Variants in BAZ2A observed in about 807,000 individuals in gnomAD.
The protein encoded by BAZ2A is bromodomain adjacent to zinc finger domain protein 2A.
In BAZ2A, 34 loss-of-function variants were observed where a neutral mutation model predicts 199.9. The ratio of observed to expected loss-of-function variants is 0.17; its 90% CI spans 0.13 to 0.23. BAZ2A has a LOEUF of 0.23. Ranked by LOEUF, BAZ2A falls within the 10% of genes least tolerant of loss-of-function variation. The pLI is 1.00. For synonymous variants in BAZ2A, 857 were observed against 883.9 expected (o/e 0.97, Z 0.54); for missense variants, 2,002 against 2,391.1 (o/e 0.84, Z 3.39).
At chr12:56,630,765 C>T, upstream of BAZ2A, 1 of 985,250 alleles carries the variant, frequency 1.0e-6, no homozygotes. Context: ...AAGAGTCAGC[C>T]ACCCACTCAC....
chr12:56,630,488 C>A (rs1415100330), upstream of BAZ2A, among the ~76,000 whole-genome samples: 4 of 152,270 alleles, frequency 2.6e-5, no homozygotes. Flanking sequence ...GCCCACCTGG[C>A]AGCTCCCTCT....
chr12:56,606,453 C>T, intron 11 of BAZ2A, 141 bp from the exon 12 acceptor site: 1 of 1,172,232 alleles, frequency 8.5e-7, no homozygotes, highest in Non-Finnish European at 1.3e-6. Context: ...ATTCTCTCAC[C>T]CTAGAGATGC....
At chr12:56,599,092 T>A (rs747421337) in intron 27 of BAZ2A, 37 bp downstream of exon 27, 1 of 1,597,386 alleles carries the variant, frequency 6.3e-7, no homozygotes, top group East Asian at 2.3e-5. Context: ...CTGGCAGAGG[T>A]AGAGCCAACT....
In BAZ2A at chr12:56,630,231, G is replaced by A; in HGVS notation, c.-109C>T. ...CAGAACGGGTGGAGACGCCCGCTGG[G>A]GAGGGGGTCTGGGGTCCGGGGTTCG... is the stretch of plus-strand genomic sequence containing the variant. On this transcript the variant is annotated 5_prime_UTR_variant, in exon 1 of 29. Coordinates refer to ENST00000549884, the MANE Select transcript of BAZ2A (RefSeq NM_001300905.2). 2 of 984,516 alleles carry A rather than the reference G, an allele frequency of 2.0e-6. No individual in the cohort carries two copies. The highest frequency in any genetic ancestry group is 2.4e-6 in the Non-Finnish European group (2 of 829,054). The allele number at this position is 984,516 out of a possible 1,614,324, so 61.0% of individuals were successfully genotyped here. A position where few individuals can be genotyped will look rare whatever the true frequency, so the allele number is the denominator to read the frequency against.
rs1296059071 is a variant in BAZ2A at position 56,601,966 on chromosome 12, G to A, written c.3651C>T (p.Ala1217=). The change falls in exon 20 of 29, where the codon GCC becomes GCT. Residue 1217 remains alanine (A), a synonymous_variant. Coordinates refer to ENST00000549884, the MANE Select transcript of BAZ2A (RefSeq NM_001300905.2). ...VRGQDSEQPQ[A]QLQPEAQLHA... is the part of the protein sequence containing the mutation. Reference sequence around the variant, plus strand: ...GAAGCTGAGCCTCAGGCTGAAGCTGGGCCTGGGGCTGTTCTGAATCCTGAC... The same window carrying A: ...GAAGCTGAGCCTCAGGCTGAAGCTGAGCCTGGGGCTGTTCTGAATCCTGAC... The A allele has an allele frequency of 4.5e-6, 7 of 1,561,452 alleles. No individual in the cohort carries two copies. Among genetic ancestry groups the A allele is most frequent in the Non-Finnish European group, 6.1e-6 (7 of 1,152,398 alleles).
intron 6 of BAZ2A, 63 bp from the exon 7 acceptor site, chr12:56,611,696 G>C (rs928781676): frequency 1.9e-6 from 3 of 1,545,752 alleles, no homozygotes; most frequent in South Asian, 2.5e-5. Flanking sequence ...TAGGCCAATA[G>C]GGAAAGGCTA....
chr12:56,629,307 A>C (rs1951213172), intron 1 of BAZ2A, among the ~76,000 whole-genome samples: 1 of 152,160 alleles, frequency 6.6e-6, no homozygotes, highest in African/African-American at 2.4e-5. Context: ...ACAAAGGACA[A>C]CTGCTATTGA....
intron 21 of BAZ2A, 38 bp downstream of exon 21, chr12:56,601,142 C>A: frequency 6.2e-7 from 1 of 1,613,938 alleles, no homozygotes; most frequent in African/African-American, 1.3e-5. Context: ...CTGTGAAGCA[C>A]TGCCCACACC....
Position 56,597,622 on chromosome 12 carries a change from G to GCA in BAZ2A, c.*995_*996insTG, listed in dbSNP as rs1885957170. On this transcript the variant is annotated 3_prime_UTR_variant, in exon 29 of 29. Transcript: ENST00000549884. ...GCTGACACACACACACACACACACA[G>GCA]CGCGCTCTGAGGCCGACACACACAC... 2.5e-5 allele frequency: 2 copies of GCA among 81,410 alleles called. No homozygotes were observed. The highest frequency in any genetic ancestry group is 1.9e-4 in the African/African-American group (2 of 10,642). The allele number at this position is 81,410 out of a possible 1,614,324, so 5.0% of individuals were successfully genotyped here. A position where few individuals can be genotyped will look rare whatever the true frequency, so the allele number is the denominator to read the frequency against.
chr12:56,601,184 T>A lies in BAZ2A; in HGVS notation c.4290A>T (p.Pro1430=). 6.2e-7 allele frequency: 1 copy of A among 1,614,060 alleles called. No individual in the cohort carries two copies. Among genetic ancestry groups the A allele is most frequent in the Non-Finnish European group, 8.5e-7 (1 of 1,179,900 alleles). Residue 1430 remains proline, a synonymous_variant, in exon 21 of 29, where the codon CCA becomes CCT. Transcript: ENST00000549884. The part of the protein sequence containing the change: ...YLTQLTAQPV[P]PEMCSGWWWI... ...CCTCACTCCAAGGTCACTCACCAGG[T>A]GGGACAGGCTGGGCTGTCAGCTGGG...
At position 56,601,918 on chromosome 12, in the gene BAZ2A, A is replaced by AGGCTGG; in HGVS notation, c.3693_3698dup (p.Pro1233_Gln1234dup). 1 of 1,598,520 alleles carries AGGCTGG rather than the reference A, an allele frequency of 6.3e-7. No individual in the cohort carries two copies. Among genetic ancestry groups the AGGCTGG allele is most frequent in the South Asian group, 1.1e-5 (1 of 89,854 alleles). On this transcript the variant is annotated inframe_insertion, in exon 20 of 29. Transcript: ENST00000549884. The stretch of plus-strand genomic sequence containing the variant: ...GGGACTGAAGCTGAAGCTGAAGCTG[A>AGGCTGG]GGCTGGGGCTGGGCAGGAGCATGAA...
intron 19 of BAZ2A, 106 bp downstream of exon 19, chr12:56,602,607 G>T: frequency 7.1e-7 from 1 of 1,417,042 alleles, no homozygotes; most frequent in Non-Finnish European, 9.5e-7. Context: ...TAACCATTAC[G>T]CTATATTATC....
chr12:56,623,796 G>A (rs1455937845), intron 1 of BAZ2A, among the ~76,000 whole-genome samples: 1 of 152,118 alleles, frequency 6.6e-6, no homozygotes, highest in Non-Finnish European at 1.5e-5. Context: ...GTTATCAATA[G>A]TGCCAAGGCT....
In BAZ2A at chr12:56,606,226, C is replaced by G. The variant is rs201312646; in HGVS notation, c.2259+21G>C. ...TTAGTGGCTTCGAAATTATACTTGG[C>G]AAGTTTGTACATGCACCTACCTTGG... On this transcript the variant is annotated intron_variant, in intron 12 of 28. Transcript: ENST00000549884. The G allele has an allele frequency of 3.3e-5, 53 of 1,613,860 alleles. No homozygotes were observed. In the African/African-American group the frequency reaches 5.9e-4, roughly 18 times the overall value.
rs1308235748 is a variant in BAZ2A at position 56,599,339 on chromosome 12, G to C, written c.5192C>G (p.Thr1731Ser). 2 of 1,613,210 alleles carry C rather than the reference G, an allele frequency of 1.2e-6. No individual in the cohort carries two copies. The highest frequency in any genetic ancestry group is 2.2e-5 in the South Asian group (2 of 90,928). The change falls in exon 27 of 29, where the codon ACT becomes AGT. Residue 1731 changes from threonine to serine, a missense_variant. Transcript: ENST00000549884. Reference sequence around the variant, plus strand: ...ACGCTTTGGGAAACCAGGCTTCTGAGTGAATTCTCCCTCCACCTGCTTAGT... The same window carrying C: ...ACGCTTTGGGAAACCAGGCTTCTGACTGAATTCTCCCTCCACCTGCTTAGT... Reference protein sequence around the residue: ...CLAQQVEGEFTQKPGFPKRGQ... With the variant: ...CLAQQVEGEFSQKPGFPKRGQ...
chr12:56,614,961 C>T (rs753365196), intron 3 of BAZ2A, 53 bp downstream of exon 3: 4 of 1,516,796 alleles, frequency 2.6e-6, no homozygotes, highest in Admixed American at 3.9e-5. Context: ...AGCCACTATC[C>T]CCCCCGAGCT....
At position 56,604,611 on chromosome 12, in the gene BAZ2A, C is replaced by T; in HGVS notation, c.2937G>A (p.Glu979=). Residue 979 remains glutamate (E), a synonymous_variant, in exon 15 of 29, where the codon GAG becomes GAA. Coordinates refer to ENST00000549884, the MANE Select transcript of BAZ2A (RefSeq NM_001300905.2). ...TGATGATGAGGGTGGAGCCATTGAG[C>T]TCATGCACAAGGAAGGCCAGGACAG... is the stretch of plus-strand genomic sequence containing the variant. The part of the protein sequence containing the change: ...KAAVLAFLVH[E]LNGSTLIINE... The T allele has an allele frequency of 1.9e-6, 3 of 1,598,048 alleles. No homozygotes were observed. Among genetic ancestry groups the T allele is most frequent in the Non-Finnish European group, 2.6e-6 (3 of 1,172,272 alleles).
intron 3 of BAZ2A, among the ~76,000 whole-genome samples, chr12:56,614,760 C>T (rs1055704511): frequency 5.9e-5 from 9 of 152,140 alleles, no homozygotes; most frequent in African/African-American, 1.2e-4. Context: ...GGGGCTGTTT[C>T]GGGCTCGCCC....
chr12:56,612,258 A>G lies in BAZ2A; in HGVS notation c.1136-12T>C, dbSNP rs754640922. ...GTCAAAGCTGTTATCTAGAATCCAA[A>G]GGGACAGGATAGGCTTTAAAAAAAA... On this transcript the variant is annotated splice_polypyrimidine_tract_variant and intron_variant, in intron 5 of 28. Transcript: ENST00000549884. 1.9e-6 allele frequency: 3 copies of G among 1,607,396 alleles called. No homozygotes were observed. Among genetic ancestry groups the G allele is most frequent in the South Asian group, 2.2e-5 (2 of 90,770 alleles).
Sources: allele counts gnomAD v4.1 joint callset (sites outside exome capture counted in the v4.1 genomes callset), GRCh38; gene constraint gnomAD v4.1.1; transcripts MANE v1.5; gene names NCBI Gene and HGNC (gene_info 2026-07-23, HGNC 2026-07-21).